ZBBX: variants seen among roughly 807,000 people sequenced by gnomAD.
ZBBX encodes zinc finger B-box domain containing, also known as zinc finger B-box domain-containing protein 1.
ZBBX carries 101 observed loss-of-function variants against 108.5 expected under a neutral mutation model. That is an observed-to-expected ratio of 0.93 (90% confidence interval 0.79 to 1.10). The LOEUF (loss-of-function observed/expected upper bound fraction) is 1.10, where lower values mean the gene tolerates loss of function less well. Among genes scored for constraint, ZBBX ranks in the 50% least tolerant of loss-of-function variants. The probability of loss-of-function intolerance (pLI) is 0.00; values close to 1 mark genes in which losing one functional copy is unlikely to be tolerated. For synonymous variants in ZBBX, 356 were observed against 323.4 expected (o/e 1.10, Z -1.08); for missense variants, 1,009 against 941.4 (o/e 1.07, Z -0.94).
the ZBBX span, among the ~76,000 whole-genome samples, chr3:167,231,507 G>A: frequency 6.6e-6 from 1 of 151,676 alleles, no homozygotes; most frequent in African/African-American, 2.4e-5. Context: ...ATCAAACAGT[G>A]GGAACAAGAG....
At chr3:167,210,482 T>A in the ZBBX span, among the ~76,000 whole-genome samples, 8 of 152,154 alleles carry the variant, frequency 5.3e-5, no homozygotes, top group East Asian at 1.5e-3. Flanking sequence ...GGAATAGGGG[T>A]AGAAAGCTTA....
At chr3:167,372,056 C>T (rs1028957141) in intron 4 of ZBBX, among the ~76,000 whole-genome samples, 11 of 152,096 alleles carry the variant, frequency 7.2e-5, no homozygotes, top group Admixed American at 5.2e-4. Flanking sequence ...ATTAAAAATA[C>T]AAACATTAGC....
chr3:167,219,267 A>G, the ZBBX span, among the ~76,000 whole-genome samples: 1 of 152,062 alleles, frequency 6.6e-6, no homozygotes. Flanking sequence ...TCTGCATTAT[A>G]CACCAAATGG....
the ZBBX span, among the ~76,000 whole-genome samples, chr3:167,220,702 A>G: frequency 1.3e-5 from 2 of 151,958 alleles, no homozygotes; most frequent in Non-Finnish European, 2.9e-5. Flanking sequence ...CACTCTTAAT[A>G]AACATAGTAC....
intron 14 of ZBBX, among the ~76,000 whole-genome samples, 180 bp from the exon 15 acceptor site, chr3:167,316,009 T>C (rs965632249): frequency 6.6e-6 from 1 of 152,132 alleles, no homozygotes; most frequent in Non-Finnish European, 1.5e-5. Context: ...CTGACATTGG[T>C]TGATATGTCA....
In ZBBX at chr3:167,348,370, A is replaced by AG. The variant is rs1560163781; in HGVS notation, c.528+2049_528+2050insC. Reference sequence around the variant, plus strand: ...AAAGAAAGAAAGAAAGAAAGAAAGAAAAAAAAGAAAAGAAAAGAAGAAGGA... The same window carrying AG: ...AAAGAAAGAAAGAAAGAAAGAAAGAAGAAAAAAGAAAAGAAAAGAAGAAGGA... On this transcript the variant is annotated intron_variant, in intron 9 of 21. Transcript: ENST00000675490. Among the ~76,000 whole-genome samples the AG allele has an allele frequency of 4.8e-3, 640 of 134,060 alleles. 14 individuals are homozygous for AG. Among genetic ancestry groups the AG allele is most frequent in the African/African-American group, 0.017 (609 of 35,738 alleles). 87.9% of individuals were successfully genotyped at this position (134,060 alleles called of 152,430 possible). A position where few individuals can be genotyped will look rare whatever the true frequency, so the allele number is the denominator to read the frequency against.
At chr3:167,206,635 C>CA in the ZBBX span, among the ~76,000 whole-genome samples, 6 of 149,586 alleles carry the variant, frequency 4.0e-5, no homozygotes, top group African/African-American at 9.8e-5. Context: ...TTTTCACTGC[C>CA]AAAAAAAAAT....
At chr3:167,277,187 T>C (rs1727758136) in intron 20 of ZBBX, among the ~76,000 whole-genome samples, 1 of 151,248 alleles carries the variant, frequency 6.6e-6, no homozygotes, top group Admixed American at 6.6e-5. Context: ...CTGCATCAAC[T>C]AACGAGCAAA....
At chr3:167,304,860 AG>A (rs1420251443) in intron 17 of ZBBX, among the ~76,000 whole-genome samples, 1 of 151,912 alleles carries the variant, frequency 6.6e-6, no homozygotes, top group Non-Finnish European at 1.5e-5. Context: ...TATCTCACAA[AG>A]GTACAATATC....
intron 16 of ZBBX, among the ~76,000 whole-genome samples, chr3:167,309,871 T>C (rs1189376326): frequency 2.0e-5 from 3 of 152,346 alleles, no homozygotes; most frequent in South Asian, 4.1e-4. Flanking sequence ...CCCCAAAGAA[T>C]GGGTGTTTCT....
At chr3:167,348,724 C>A (rs1293725693) in intron 9 of ZBBX, among the ~76,000 whole-genome samples, 1 of 151,786 alleles carries the variant, frequency 6.6e-6, no homozygotes, top group Non-Finnish European at 1.5e-5. Flanking sequence ...GGAAGTTATA[C>A]AAAAGAAACA....
At chr3:167,372,753 G>A (rs2108598606) in intron 4 of ZBBX, 81 bp downstream of exon 4, 2 of 660,778 alleles carry the variant, frequency 3.0e-6, no homozygotes, top group Admixed American at 2.8e-5. Context: ...ATGAAGATAA[G>A]AATTCACAAA....
chr3:167,323,867 A>G (rs1736905235), intron 11 of ZBBX, among the ~76,000 whole-genome samples: 1 of 152,146 alleles, frequency 6.6e-6, no homozygotes, highest in Non-Finnish European at 1.5e-5. Flanking sequence ...AATGGACTTC[A>G]GATCACACAT....
chr3:167,347,524 A>T (rs921805012), intron 9 of ZBBX, among the ~76,000 whole-genome samples: 1 of 152,066 alleles, frequency 6.6e-6, no homozygotes, highest in Non-Finnish European at 1.5e-5. Context: ...TGCAGAATCC[A>T]AATTTTTTTT....
At chr3:167,324,303 T>C (rs1168707256) in intron 11 of ZBBX, among the ~76,000 whole-genome samples, 1 of 152,030 alleles carries the variant, frequency 6.6e-6, no homozygotes, top group Non-Finnish European at 1.5e-5. Flanking sequence ...CATTATCATG[T>C]ATGACTTTTC....
intron 20 of ZBBX, among the ~76,000 whole-genome samples, chr3:167,277,374 C>T (rs1727799303): frequency 6.6e-6 from 1 of 152,088 alleles, no homozygotes; most frequent in Non-Finnish European, 1.5e-5. Flanking sequence ...CAGAGACACA[C>T]ATAGGCTCAA....
chr3:167,267,894 C>T (rs986259541), intron 20 of ZBBX, among the ~76,000 whole-genome samples: 7 of 151,996 alleles, frequency 4.6e-5, no homozygotes, highest in Admixed American at 6.6e-5. Context: ...AATCCTTCCC[C>T]TCAGGCAGCT....
intron 9 of ZBBX, among the ~76,000 whole-genome samples, chr3:167,343,656 C>T (rs1740936605): frequency 6.6e-6 from 1 of 151,824 alleles, no homozygotes; most frequent in African/African-American, 2.4e-5. Flanking sequence ...AAAATGCAAA[C>T]CAAACCACGA....
Position 167,317,487 on chromosome 3 carries a change from C to A in ZBBX, c.1093+1G>T. Reference sequence around the variant, plus strand: ...AAATATCTAATCAAGTATGAACTAACCATCACTATCTTCATCGTTTTCATT... The same window carrying A: ...AAATATCTAATCAAGTATGAACTAAACATCACTATCTTCATCGTTTTCATT... On this transcript the variant is annotated splice_donor_variant, in intron 13 of 21. Transcript: ENST00000675490. LOFTEE classifies it high-confidence loss of function. The A allele has an allele frequency of 6.3e-7, 1 of 1,596,470 alleles. No individual in the cohort carries two copies. Among genetic ancestry groups the A allele is most frequent in the Non-Finnish European group, 8.6e-7 (1 of 1,169,248 alleles).
Sources: gnomAD v4.1 joint callset for allele counts (sites outside exome capture counted in the v4.1 genomes callset) on GRCh38, gnomAD v4.1.1 for gene constraint, MANE v1.5 for transcripts, NCBI Gene and HGNC (gene_info 2026-07-23, HGNC 2026-07-21) for gene names.